The following PIAS1 variants were observed in gnomAD, a reference collection of about 807,000 sequenced individuals.
PIAS1 encodes E3 SUMO-protein ligase PIAS1.
A neutral mutation model predicts 71.3 loss-of-function variants in PIAS1; 6 were observed. The observed-to-expected ratio is 0.08, with a 90% CI of 0.05 to 0.17. The LOEUF (loss-of-function observed/expected upper bound fraction) is 0.17. Ranked by LOEUF, PIAS1 falls within the 10% of genes least tolerant of loss-of-function variation. The pLI, the probability that PIAS1 is intolerant of heterozygous loss-of-function variation, is 1.00. For missense variants in PIAS1, 555 were observed against 793.6 expected, an observed-to-expected ratio of 0.70 and a Z score of 3.61; for synonymous variants, 303 against 292.9, an observed-to-expected ratio of 1.03 and a Z score of -0.35.
intron 2 of PIAS1, among the ~76,000 whole-genome samples, chr15:68,099,921 G>A (rs1595723783): frequency 1.3e-5 from 2 of 151,620 alleles, no homozygotes; most frequent in Admixed American, 6.6e-5. Flanking sequence ...GCCATCTGTC[G>A]ACATACTTAT....
At chr15:68,070,202 C>T (rs1161288053) in intron 1 of PIAS1, among the ~76,000 whole-genome samples, 1 of 152,122 alleles carries the variant, frequency 6.6e-6, no homozygotes, top group Non-Finnish European at 1.5e-5. Flanking sequence ...GCATTCTTTT[C>T]TCCTACAAAG....
intron 6 of PIAS1, among the ~76,000 whole-genome samples, chr15:68,150,403 G>A (rs992384112): frequency 5.9e-5 from 9 of 152,118 alleles, no homozygotes; most frequent in African/African-American, 2.2e-4. Flanking sequence ...CACTAAATCA[G>A]CATTATTTTC....
intron 2 of PIAS1, among the ~76,000 whole-genome samples, chr15:68,138,069 G>C (rs1450086252): frequency 1.3e-5 from 2 of 152,188 alleles, no homozygotes; most frequent in Non-Finnish European, 2.9e-5. Flanking sequence ...AGGATTGCTT[G>C]AGCACAGGAG....
intron 1 of PIAS1, chr15:68,055,793 T>C: frequency 1.6e-6 from 1 of 633,432 alleles, no homozygotes; most frequent in East Asian, 2.8e-5. Flanking sequence ...AAACGACAAC[T>C]TCTAGAACAA....
At chr15:68,087,825 T>C (rs1482941820) in intron 2 of PIAS1, 1 of 362,782 alleles carries the variant, frequency 2.8e-6, no homozygotes, top group Non-Finnish European at 5.7e-6. Flanking sequence ...GAAGTGTTTG[T>C]TTTTAATTAT....
At chr15:68,142,176 G>A in intron 3 of PIAS1, 114 bp from the exon 4 acceptor site, 1 of 995,330 alleles carries the variant, frequency 1.0e-6, no homozygotes. Flanking sequence ...GTTACTGTAA[G>A]AACAGTTATA....
At chr15:68,103,235 ATTTT>A (rs1410931360) in intron 2 of PIAS1, among the ~76,000 whole-genome samples, 3 of 151,178 alleles carry the variant, frequency 2.0e-5, no homozygotes, top group African/African-American at 7.3e-5. Flanking sequence ...CCCTTCTTTG[ATTTT>A]GATCTTAGGG....
chr15:68,080,023 G>A (rs1467891344), intron 1 of PIAS1, among the ~76,000 whole-genome samples: 1 of 151,920 alleles, frequency 6.6e-6, no homozygotes. Flanking sequence ...GTAGAGATGG[G>A]GTTTCACCAT....
At chr15:68,133,203 G>A (rs2092699355) in intron 2 of PIAS1, among the ~76,000 whole-genome samples, 1 of 151,480 alleles carries the variant, frequency 6.6e-6, no homozygotes, top group East Asian at 1.9e-4. Context: ...TCTATTGGTA[G>A]GTATTTTACT....
At chr15:68,159,522 T>C (rs1009506674) in intron 7 of PIAS1, among the ~76,000 whole-genome samples, 2 of 152,316 alleles carry the variant, frequency 1.3e-5, no homozygotes, top group Middle Eastern at 3.4e-3. Context: ...ATTTCTGCTC[T>C]GTAGTTTTGT....
chr15:68,113,916 A>C (rs1196375481), intron 2 of PIAS1, among the ~76,000 whole-genome samples: 3 of 152,034 alleles, frequency 2.0e-5, no homozygotes, highest in Non-Finnish European at 4.4e-5. Flanking sequence ...TACTCCAAAG[A>C]ACTTTAGCCA....
At chr15:68,070,462 G>A (rs2092082807) in intron 1 of PIAS1, among the ~76,000 whole-genome samples, 1 of 152,180 alleles carries the variant, frequency 6.6e-6, no homozygotes, top group Non-Finnish European at 1.5e-5. Context: ...GTAGCTGAGG[G>A]TGGAAAGTAA....
At chr15:68,082,574 C>A (rs996014559) in intron 1 of PIAS1, among the ~76,000 whole-genome samples, 13 of 152,098 alleles carry the variant, frequency 8.5e-5, no homozygotes, top group African/African-American at 2.9e-4. Flanking sequence ...AAAGAGTAAT[C>A]ATGATGTACT....
At chr15:68,083,048 CGT>C (rs2092243164) in intron 1 of PIAS1, among the ~76,000 whole-genome samples, 1 of 152,022 alleles carries the variant, frequency 6.6e-6, no homozygotes, top group African/African-American at 2.4e-5. Context: ...CAATTGAGGA[CGT>C]AGAGTCAGCA....
At chr15:68,080,010 T>G (rs2092212463) in intron 1 of PIAS1, among the ~76,000 whole-genome samples, 1 of 151,996 alleles carries the variant, frequency 6.6e-6, no homozygotes, top group South Asian at 2.1e-4. Context: ...TTTTGTATTT[T>G]TGGTAGAGAT....
chr15:68,120,706 G>A (rs181850379), intron 2 of PIAS1, among the ~76,000 whole-genome samples: 221 of 152,298 alleles, frequency 1.5e-3, no homozygotes, highest in African/African-American at 5.1e-3. Flanking sequence ...CCAGACTGGA[G>A]TGCAGTGGCG....
intron 2 of PIAS1, among the ~76,000 whole-genome samples, chr15:68,109,202 G>A (rs1304176626): frequency 6.6e-6 from 1 of 152,054 alleles, no homozygotes; most frequent in Admixed American, 6.6e-5. Context: ...AAACATTCAC[G>A]TGGCCATCTC....
At chr15:68,134,971 A>AC (rs1486503755) in intron 2 of PIAS1, among the ~76,000 whole-genome samples, 352 of 23,788 alleles carry the variant, frequency 0.015, no homozygotes, top group African/African-American at 0.032. Flanking sequence ...GGGGGGGCTA[A>AC]CCCCCCCCAC....
chr15:68,090,656 A>G (rs571853798), intron 2 of PIAS1, among the ~76,000 whole-genome samples: 1 of 152,278 alleles, frequency 6.6e-6, no homozygotes, highest in South Asian at 2.1e-4. Flanking sequence ...CAACTGAGCC[A>G]TACCACACTC....
Sources: gnomAD v4.1 joint callset for allele counts (sites outside exome capture counted in the v4.1 genomes callset) on GRCh38, gnomAD v4.1.1 for gene constraint, MANE v1.5 for transcripts, NCBI Gene and HGNC (gene_info 2026-07-23, HGNC 2026-07-21) for gene names.